Variants in UPRT observed in about 807,000 individuals in gnomAD.
The protein encoded by UPRT is uracil phosphoribosyltransferase homolog, also known as RP11-311P8.3.
Under a neutral mutation model 22.6 loss-of-function variants are expected in UPRT, and 5 were observed. The ratio of observed to expected loss-of-function variants is 0.22; its 90% confidence interval spans 0.12 to 0.47. UPRT has a LOEUF of 0.47. UPRT is among the 20% of genes least tolerant of loss of function. The pLI is 0.99. For synonymous variants in UPRT, 77 were observed against 87.7 expected, an observed-to-expected ratio of 0.88 and a Z score of 0.68; for missense variants, 181 against 239.9, an observed-to-expected ratio of 0.75 and a Z score of 1.62.
At chrX:75,219,730 A>G (rs886153417) in intron 4 of UPRT, among the ~76,000 whole-genome samples, 11 of 111,384 alleles carry the variant, frequency 9.9e-5, no homozygotes, top group African/African-American at 3.6e-4. Context: ...AGCCATTATT[A>G]TTAGAGTTAA....
chrX:75,209,571 C>T (rs1450347885), intron 4 of UPRT, among the ~76,000 whole-genome samples: 1 of 111,896 alleles, frequency 8.9e-6, no homozygotes, highest in Non-Finnish European at 1.9e-5. Context: ...CGGGGTTTCA[C>T]CATGTTGGCC....
chrX:75,231,084 G>A (rs1299643190), intron 4 of UPRT, among the ~76,000 whole-genome samples: 3 of 111,601 alleles, frequency 2.7e-5, no homozygotes, highest in Non-Finnish European at 5.6e-5. Context: ...CTCCAGCAGT[G>A]GATCCAAACC....
In UPRT at chrX:75,181,593, T is replaced by C. The variant is rs982295722; in HGVS notation, c.-447+13714T>C. Among the ~76,000 whole-genome samples the C allele has an allele frequency of 4.5e-5, 5 of 111,706 alleles. No individual in the cohort carries two copies. The Admixed American group carries it at 4.8e-4, about 11-fold the overall frequency. ...GTTAGCTGTATTCTGAGGTATTTTATACTTTTTGTGGCTATTGTGAATAGA... is the reference window on the plus strand; with the variant it reads ...GTTAGCTGTATTCTGAGGTATTTTACACTTTTTGTGGCTATTGTGAATAGA... On this transcript the variant is annotated intron_variant, in intron 4 of 13. Coordinates refer to the UPRT transcript ENST00000652605.
chrX:75,285,929 G>A (rs1443092551), intron 1 of UPRT, among the ~76,000 whole-genome samples: 1 of 111,134 alleles, frequency 9.0e-6, no homozygotes, highest in African/African-American at 3.3e-5. Flanking sequence ...TGAAGGTAAA[G>A]GAAGGAGAAG....
chrX:75,175,113 T>C (rs2082242664), intron 4 of UPRT, among the ~76,000 whole-genome samples: 1 of 111,177 alleles, frequency 9.0e-6, no homozygotes, highest in African/African-American at 3.3e-5. Context: ...TTTATGGCTT[T>C]GTCAGTGTAC....
At chrX:75,182,106 A>G (rs2082271974) in intron 4 of UPRT, among the ~76,000 whole-genome samples, 1 of 111,878 alleles carries the variant, frequency 8.9e-6, no homozygotes, top group African/African-American at 3.2e-5. Flanking sequence ...TGAGATGATC[A>G]TGTTTTGTTT....
At chrX:75,196,461 C>T (rs1441975217) in intron 4 of UPRT, among the ~76,000 whole-genome samples, 1 of 112,713 alleles carries the variant, frequency 8.9e-6, no homozygotes, top group Non-Finnish European at 1.9e-5. Flanking sequence ...ATACAGTGGT[C>T]TAGGACTGAT....
chrX:75,189,383 A>G (rs1469386514), intron 4 of UPRT, among the ~76,000 whole-genome samples: 1 of 111,994 alleles, frequency 8.9e-6, no homozygotes, highest in East Asian at 2.8e-4. Context: ...ACATTTGCTG[A>G]GGAGTGCTTT....
intron 4 of UPRT, among the ~76,000 whole-genome samples, chrX:75,191,919 A>G: frequency 9.0e-6 from 1 of 111,079 alleles, no homozygotes; most frequent in Middle Eastern, 4.7e-3. Context: ...GGGTGAGGCG[A>G]TGCCTCACCC....
At chrX:75,270,859 C>G (rs773562842), upstream of UPRT, among the ~76,000 whole-genome samples, 3 of 110,340 alleles carry the variant, frequency 2.7e-5, no homozygotes, top group Non-Finnish European at 5.7e-5. Flanking sequence ...ACCTATGTAA[C>G]AAATCTGGAC....
At chrX:75,196,054 C>G (rs1276591085) in intron 4 of UPRT, among the ~76,000 whole-genome samples, 4 of 112,377 alleles carry the variant, frequency 3.6e-5, no homozygotes, top group Non-Finnish European at 5.6e-5. Flanking sequence ...AAAAAAAAGT[C>G]GTTGGAATTT....
chrX:75,231,751 C>T (rs2082439081), intron 4 of UPRT, among the ~76,000 whole-genome samples: 1 of 112,180 alleles, frequency 8.9e-6, no homozygotes, highest in Non-Finnish European at 1.9e-5. Flanking sequence ...CTGCAGATTT[C>T]TCAGCAGAAA....
At chrX:75,255,378 C>T (rs975888354) in intron 4 of UPRT, among the ~76,000 whole-genome samples, 1 of 111,920 alleles carries the variant, frequency 8.9e-6, no homozygotes, top group African/African-American at 3.3e-5. Context: ...GAAACAAATC[C>T]TGGAAACACA....
intron 4 of UPRT, among the ~76,000 whole-genome samples, chrX:75,175,485 G>C (rs1183245029): frequency 8.9e-6 from 1 of 111,897 alleles, no homozygotes; most frequent in Non-Finnish European, 1.9e-5. Flanking sequence ...CACTGAGAAG[G>C]CCGCACCAGT....
At chrX:75,292,958 G>T (rs763225718) in intron 1 of UPRT, among the ~76,000 whole-genome samples, 2 of 111,615 alleles carry the variant, frequency 1.8e-5, no homozygotes, top group African/African-American at 6.5e-5. Context: ...TTGGAAATTA[G>T]TTTATATGTT....
Position 75,217,944 on chromosome X carries a change from A to G in UPRT, c.-447+50065A>G, listed in dbSNP as rs1158130776. On this transcript the variant is annotated intron_variant, in intron 4 of 13. Transcript: ENST00000652605. ...AAAACCATAAAAACCCTAGAAGAAA[A>G]CCTAGGCATTACCATTCAGGACATA... Among the ~76,000 whole-genome samples, 83 of 111,641 alleles carry G rather than the reference A, an allele frequency of 7.4e-4. 2 individuals carry two copies. The South Asian group carries it at 0.029, about 39-fold the overall frequency.
rs138628689 is a variant in UPRT at position 75,225,103 on chromosome X, C to T, written c.-447+57224C>T. On this transcript the variant is annotated intron_variant, in intron 4 of 13. Transcript: ENST00000652605. ...TACCTCTTCTGATGTGGAACCACTG[C>T]CTCAAAAATCAAGGAAAGGGCTATT... Among the ~76,000 whole-genome samples the T allele has an allele frequency of 3.2e-3, 351 of 110,737 alleles. 1 individual carries two copies. The highest frequency in any genetic ancestry group is 0.011 in the African/African-American group (322 of 30,443).
At position 75,277,487 on chromosome X, in the gene UPRT, G is replaced by A. The variant is rs1331111597; in HGVS notation, c.386+2847G>A. On this transcript the variant is annotated intron_variant, in intron 1 of 6. Coordinates refer to ENST00000373383, the MANE Select transcript of UPRT (RefSeq NM_145052.4). The stretch of plus-strand genomic sequence containing the variant: ...TTTAGGCAATATGTTTAGCATCTCT[G>A]TGCTTCACCTTTATCATTTGTAAAA... Among the ~76,000 whole-genome samples, 3 of 109,759 alleles carry A rather than the reference G, an allele frequency of 2.7e-5. No individual in the cohort carries two copies. The East Asian group carries it at 8.5e-4, about 31-fold the overall frequency.
chrX:75,270,229 G>A (rs1180313990), upstream of UPRT, among the ~76,000 whole-genome samples: 1 of 111,615 alleles, frequency 9.0e-6, no homozygotes, highest in East Asian at 2.8e-4. Context: ...CAATTAGAAT[G>A]GTGATCATTA....
Sources: gnomAD v4.1 joint callset for allele counts (sites outside exome capture counted in the v4.1 genomes callset) on GRCh38, gnomAD v4.1.1 for gene constraint, MANE v1.5 for transcripts, NCBI Gene and HGNC (gene_info 2026-07-23, HGNC 2026-07-21) for gene names.